HIVEP1: variants seen among roughly 807,000 people sequenced by gnomAD.
HIVEP1 encodes HIVEP zinc finger 1.
In HIVEP1, 36 loss-of-function variants were observed where a neutral mutation model predicts 180.0. The observed-to-expected ratio is 0.20, with a 90% confidence interval of 0.15 to 0.26. HIVEP1 has a LOEUF of 0.26. Ranked by LOEUF, HIVEP1 falls within the 10% of genes least tolerant of loss-of-function variation. The pLI is 1.00. For synonymous variants in HIVEP1, 1,239 were observed against 1,239.0 expected (o/e 1.00, Z 0.00); for missense variants, 3,143 against 3,268.7 (o/e 0.96, Z 0.94).
intron 2 of HIVEP1, among the ~76,000 whole-genome samples, chr6:12,033,648 T>G (rs1025249306): frequency 1.3e-5 from 2 of 152,210 alleles, no homozygotes; most frequent in Non-Finnish European, 2.9e-5. Flanking sequence ...CAAACCCTCT[T>G]AATAATACTA....
At chr6:12,071,104 C>G (rs1581624689) in intron 2 of HIVEP1, among the ~76,000 whole-genome samples, 1 of 152,206 alleles carries the variant, frequency 6.6e-6, no homozygotes, top group Non-Finnish European at 1.5e-5. Flanking sequence ...TAAGCCCCCA[C>G]CCCTTAGTCT....
intron 3 of HIVEP1, among the ~76,000 whole-genome samples, chr6:12,096,683 C>T (rs1041271694): frequency 2.0e-5 from 3 of 151,696 alleles, no homozygotes; most frequent in East Asian, 1.9e-4. Flanking sequence ...AGGCTAATTT[C>T]GAATAAATAT....
intron 3 of HIVEP1, among the ~76,000 whole-genome samples, chr6:12,114,287 G>A (rs1183511114): frequency 6.6e-6 from 1 of 152,148 alleles, no homozygotes; most frequent in East Asian, 1.9e-4. Flanking sequence ...TGACCACCAA[G>A]CCCAGGGACC....
At position 12,125,691 on chromosome 6, in the gene HIVEP1, A is replaced by C. The variant is rs1313467940; in HGVS notation, c.5896A>C (p.Thr1966Pro). Residue 1966 changes from threonine (T) to proline (P), a missense_variant, in exon 4 of 9, where the codon ACT becomes CCT. Physicochemically the swap from Thr to Pro is conservative, Grantham distance 38. Transcript: ENST00000379388. ...GAAGGACCAGAAAACTTCAGCCTATACTGATTGGACAGTAAGCGCCAGTAA... is the reference window on the plus strand; with the variant it reads ...GAAGGACCAGAAAACTTCAGCCTATCCTGATTGGACAGTAAGCGCCAGTAA... ...PQKDQKTSAY[T>P]DWTVSASNPN... The C allele has an allele frequency of 3.1e-6, 5 of 1,614,084 alleles. No individual in the cohort carries two copies. In the Admixed American group the frequency reaches 6.7e-5, roughly 22 times the overall value.
chr6:12,150,399 C>T (rs1171344759), intron 7 of HIVEP1, among the ~76,000 whole-genome samples: 1 of 152,126 alleles, frequency 6.6e-6, no homozygotes, highest in Non-Finnish European at 1.5e-5. Context: ...TTTAATATGA[C>T]GAAGTGCAGT....
At chr6:12,191,758 A>T in the HIVEP1 span, among the ~76,000 whole-genome samples, 1 of 152,234 alleles carries the variant, frequency 6.6e-6, no homozygotes, top group Non-Finnish European at 1.5e-5. Flanking sequence ...GAACCAATGT[A>T]ACATGGTAAT....
the HIVEP1 span, among the ~76,000 whole-genome samples, chr6:12,173,936 CTTA>C: frequency 4.6e-5 from 7 of 152,178 alleles, no homozygotes; most frequent in South Asian, 2.1e-4. Flanking sequence ...AATAGCAAGG[CTTA>C]TTTTTGCCCA....
intron 3 of HIVEP1, among the ~76,000 whole-genome samples, chr6:12,106,312 T>C (rs1382727614): frequency 2.0e-5 from 3 of 152,124 alleles, no homozygotes; most frequent in Non-Finnish European, 4.4e-5. Flanking sequence ...TTTGAAATTT[T>C]ATAAAACTTG....
intron 7 of HIVEP1, among the ~76,000 whole-genome samples, chr6:12,161,213 G>A (rs939875865): frequency 6.6e-6 from 1 of 151,762 alleles, no homozygotes; most frequent in East Asian, 1.9e-4. Context: ...CCCATTCCTC[G>A]TCCCTGACCC....
chr6:12,024,249 A>ATTTTTTTTTTTTT, intron 2 of HIVEP1, among the ~76,000 whole-genome samples: 1 of 134,864 alleles, frequency 7.4e-6, no homozygotes, highest in Non-Finnish European at 1.6e-5. Context: ...ATTGATTTTG[A>ATTTTTTTTTTTTT]TTTTTTTTTT....
intron 5 of HIVEP1, among the ~76,000 whole-genome samples, chr6:12,130,430 C>T (rs1051266441): frequency 6.6e-5 from 10 of 151,926 alleles, no homozygotes; most frequent in East Asian, 1.9e-4. Flanking sequence ...CCCAGCTGTT[C>T]GGGAGGCTGA....
At chr6:12,076,443 G>A (rs9462445) in intron 2 of HIVEP1, among the ~76,000 whole-genome samples, 26,992 of 152,172 alleles carry the variant, frequency 0.18, 2,507 homozygotes, top group Middle Eastern at 0.3. Flanking sequence ...AAACACCTGA[G>A]ACTGGATAAT....
chr6:12,206,598 C>G, the HIVEP1 span, among the ~76,000 whole-genome samples: 1 of 152,122 alleles, frequency 6.6e-6, no homozygotes, highest in Non-Finnish European at 1.5e-5. Context: ...TTAGAGGAAG[C>G]GTGGCCTTCC....
intron 2 of HIVEP1, among the ~76,000 whole-genome samples, chr6:12,028,751 G>A (rs1017047228): frequency 1.6e-4 from 25 of 152,174 alleles, no homozygotes; most frequent in African/African-American, 6.0e-4. Context: ...CGTTTTAAGT[G>A]TATGATTCAG....
the HIVEP1 span, among the ~76,000 whole-genome samples, chr6:12,189,663 A>G: frequency 6.6e-6 from 1 of 152,224 alleles, no homozygotes; most frequent in Non-Finnish European, 1.5e-5. Context: ...AATTTCATGT[A>G]CTATTAATGA....
In HIVEP1 at chr6:12,120,147, A is replaced by G; in HGVS notation, c.352A>G (p.Ile118Val). The G allele has an allele frequency of 5.6e-6, 9 of 1,614,218 alleles. No individual in the cohort carries two copies. Among genetic ancestry groups the G allele is most frequent in the Non-Finnish European group, 7.6e-6 (9 of 1,180,028 alleles). The change falls in exon 4 of 9, where the codon ATA (isoleucine) becomes GTA (valine). Residue 118 changes from isoleucine (I) to valine (V), a missense_variant. Transcript: ENST00000379388. The part of the protein sequence containing the change: ...FTKQNGETPG[I>V]IAEASKSEES... ...CAAACAAAATGGAGAAACACCTGGA[A>G]TAATTGCTGAAGCCTCAAAATCTGA... is the stretch of plus-strand genomic sequence containing the variant.
At chr6:12,159,862 G>A (rs1581806818) in intron 7 of HIVEP1, among the ~76,000 whole-genome samples, 4 of 152,298 alleles carry the variant, frequency 2.6e-5, no homozygotes, top group Middle Eastern at 3.4e-3. Context: ...GATAAATAAT[G>A]TAAAATGTCA....
the HIVEP1 span, among the ~76,000 whole-genome samples, chr6:12,176,517 C>G: frequency 6.6e-6 from 1 of 152,130 alleles, no homozygotes; most frequent in Non-Finnish European, 1.5e-5. Flanking sequence ...CAGGCGTGAG[C>G]CACCGTGCCC....
chr6:12,074,084 A>G (rs1434124014), intron 2 of HIVEP1, among the ~76,000 whole-genome samples: 1 of 152,220 alleles, frequency 6.6e-6, no homozygotes, highest in African/African-American at 2.4e-5. Context: ...ACTGTATGTT[A>G]TAGGTACTTA....
Sources: gnomAD v4.1 joint callset for allele counts (sites outside exome capture counted in the v4.1 genomes callset) on GRCh38, gnomAD v4.1.1 for gene constraint, MANE v1.5 for transcripts, NCBI Gene and HGNC (gene_info 2026-07-23, HGNC 2026-07-21) for gene names.